Variants in PHLDB1 observed in about 807,000 individuals in gnomAD.
The protein encoded by PHLDB1 is pleckstrin homology like domain family B member 1.
Under a neutral mutation model 139.3 loss-of-function variants are expected in PHLDB1, and 65 were observed. The ratio of observed to expected loss-of-function variants is 0.47; its 90% CI spans 0.38 to 0.57. The LOEUF (loss-of-function observed/expected upper bound fraction) is 0.57, where lower values mean the gene tolerates loss of function less well. PHLDB1 is among the 20% of genes least tolerant of loss of function. The pLI, the probability that PHLDB1 is intolerant of heterozygous loss-of-function variation, is 0.00. For synonymous variants in PHLDB1, 679 were observed against 734.5 expected (o/e 0.92, Z 1.22); for missense variants, 1,624 against 1,839.7 (o/e 0.88, Z 2.14).
chr11:118,645,499 C>G lies in PHLDB1; in HGVS notation c.3265C>G (p.His1089Asp). The G allele has an allele frequency of 6.2e-7, 1 of 1,612,506 alleles. No individual in the cohort carries two copies. Among genetic ancestry groups the G allele is most frequent in the East Asian group, 2.2e-5 (1 of 44,874 alleles). Residue 1089 changes from histidine to aspartate, a missense_variant, in exon 16 of 23, where the codon CAC (histidine) becomes GAC (aspartate). By Grantham distance (81) the His-to-Asp change is moderately conservative. Transcript: ENST00000600882. The surrounding 1 kb of genome is among the most constrained non-coding windows in gnomAD (Gnocchi z 5.1). The part of the protein sequence containing the change: ...GPSGFPPLMH[H>D]SILHHLPAGR... ...CTCGGGCTTCCCCCCTCTCATGCAC[C>G]ACTCTATCCTACACCACCTGCCTGC...
chr11:118,636,747 C>T (rs569689536), intron 10 of PHLDB1: 36 of 152,338 alleles, frequency 2.4e-4, no homozygotes, highest in African/African-American at 8.7e-4. Context: ...CTGTACTGCA[C>T]TGAGGCTAGG....
intron 18 of PHLDB1, 90 bp from the exon 19 acceptor site, chr11:118,649,987 G>T (rs1591767552): frequency 1.1e-6 from 1 of 925,026 alleles, no homozygotes; most frequent in Admixed American, 1.7e-5. Context: ...ATGTCAGGCT[G>T]TTGGGGTTTA....
Position 118,648,082 on chromosome 11 carries a change from T to C in PHLDB1, c.3654+6T>C. The C allele has an allele frequency of 1.9e-6, 3 of 1,612,924 alleles. No individual in the cohort carries two copies. Among genetic ancestry groups the C allele is most frequent in the Non-Finnish European group, 2.5e-6 (3 of 1,179,378 alleles). On this transcript the variant is annotated splice_donor_region_variant and intron_variant, in intron 18 of 22. Coordinates refer to ENST00000600882, the MANE Select transcript of PHLDB1 (RefSeq NM_001144758.3). Reference sequence around the variant, plus strand: ...GGGAGAAACAATTTTCCCAGGTGAATGGGCAGTGGGGCACAGTGGTGGTTG... The same window carrying C: ...GGGAGAAACAATTTTCCCAGGTGAACGGGCAGTGGGGCACAGTGGTGGTTG...
chr11:118,638,364 A>G (rs1284595935), intron 10 of PHLDB1, among the ~76,000 whole-genome samples: 1 of 152,256 alleles, frequency 6.6e-6, no homozygotes. Flanking sequence ...TTAAAAAATT[A>G]TTCAAGTAAT....
intron 4 of PHLDB1, among the ~76,000 whole-genome samples, chr11:118,618,228 T>C (rs1266517656): frequency 6.6e-6 from 1 of 152,082 alleles, no homozygotes; most frequent in East Asian, 1.9e-4. Context: ...CATAGCCTTC[T>C]TGTCTGGGCT....
Position 118,631,278 on chromosome 11 carries a change from TG to T in PHLDB1, c.1903del (p.Glu635SerfsTer80). On this transcript the variant is annotated frameshift_variant, in exon 7 of 23. Transcript: ENST00000600882. LOFTEE classifies it high-confidence loss of function. ...GCCGGGCTGATGGGGGACCTGAGGC[TG>T]GGGAGCTTCCCAGCATTGGGGAGGC... Reference protein sequence around the residue: ...YSRADGGPEAGELPSIGEATA... With the variant: ...YSRADGGPEAXELPSIGEATA... 6.6e-7 allele frequency: 1 copy of T among 1,516,604 alleles called. No individual in the cohort carries two copies. Among genetic ancestry groups the T allele is most frequent in the Non-Finnish European group, 8.8e-7 (1 of 1,133,986 alleles). The allele number at this position is 1,516,604 out of a possible 1,614,324, so 93.9% of individuals were successfully genotyped here.
At chr11:118,606,585 G>C (rs1939311875), upstream of PHLDB1, 1 of 152,254 alleles carries the variant, frequency 6.6e-6, no homozygotes, top group South Asian at 2.1e-4. Flanking sequence ...GGTCCCTCTA[G>C]TGCAGGTCAA....
Position 118,628,567 on chromosome 11 carries a change from A to T in PHLDB1, c.1744A>T (p.Ile582Phe). The T allele has an allele frequency of 6.2e-7, 1 of 1,613,060 alleles. No individual in the cohort carries two copies. Among genetic ancestry groups the T allele is most frequent in the Non-Finnish European group, 8.5e-7 (1 of 1,179,954 alleles). Residue 582 changes from isoleucine (I) to phenylalanine (F), a missense_variant, in exon 6 of 23, where the codon ATC becomes TTC. Physicochemically the swap from Ile to Phe is conservative, Grantham distance 21. Transcript: ENST00000600882. Reference protein sequence around the residue: ...TRERKNSITEISDNEDDLLEY... With the variant: ...TRERKNSITEFSDNEDDLLEY... The stretch of plus-strand genomic sequence containing the variant: ...GGAGCGGAAAAATAGCATCACAGAG[A>T]TCAGTGACAATGAGGACGACCTCCT...
intron 13 of PHLDB1, 168 bp from the exon 14 acceptor site, chr11:118,643,632 C>A: frequency 1.0e-6 from 1 of 985,434 alleles, no homozygotes; most frequent in South Asian, 4.7e-5. Flanking sequence ...TTGGCAGCTG[C>A]CAATAGCATC....
intron 4 of PHLDB1, among the ~76,000 whole-genome samples, chr11:118,619,399 A>C (rs566068119): frequency 6.6e-6 from 1 of 152,310 alleles, no homozygotes; most frequent in Admixed American, 6.5e-5. Flanking sequence ...TCTGGGATCT[A>C]GGACATTCAG....
In PHLDB1 at chr11:118,650,447, C is replaced by A. The variant is rs2136982018; in HGVS notation, c.3774C>A (p.Val1258=). 1.9e-6 allele frequency: 3 copies of A among 1,609,826 alleles called. 1 individual carries two copies. The highest frequency in any genetic ancestry group is 8.5e-7 in the Non-Finnish European group (1 of 1,176,036). The change falls in exon 20 of 23, where the codon GTC becomes GTA. Residue 1258 remains valine, a splice_region_variant and synonymous_variant. Transcript: ENST00000600882. The surrounding 1 kb of genome is among the most constrained non-coding windows in gnomAD (Gnocchi z 4.7). The stretch of plus-strand genomic sequence containing the variant: ...TCCTTACTCCTGCTTCCTACCAGGT[C>A]TGCCGTGGCTACTTGGTCAAGATGG... ...TCLHVVLSSK[V]CRGYLVKMGG...
intron 13 of PHLDB1, chr11:118,643,549 G>A (rs998600102): frequency 1.0e-6 from 1 of 985,308 alleles, no homozygotes; most frequent in Non-Finnish European, 1.2e-6. Context: ...GCATGGGTCT[G>A]TTTACAGGTC....
chr11:118,628,103 G>A lies in PHLDB1; in HGVS notation c.1280G>A (p.Arg427Gln), dbSNP rs184032736. ...TTSPSRQLVG[R>Q]TFSDGLATRT... The stretch of plus-strand genomic sequence containing the variant: ...AGCCCCTCACGCCAACTGGTGGGCC[G>A]AACATTTTCAGATGGGTTAGCCACC... Residue 427 changes from arginine (R) to glutamine (Q), a missense_variant, in exon 6 of 23, where the codon CGA becomes CAA. Physicochemically the swap from Arg to Gln is conservative, Grantham distance 43 (BLOSUM62 1). Transcript: ENST00000600882. 25 of 1,613,946 alleles carry A rather than the reference G, an allele frequency of 1.5e-5. No individual in the cohort carries two copies. Among genetic ancestry groups the A allele is most frequent in the Admixed American group, 1.0e-4 (6 of 60,020 alleles).
At position 118,642,402 on chromosome 11, in the gene PHLDB1, C is replaced by G. The variant is rs1946715393; in HGVS notation, c.2877+8C>G. ...GCTTCCCGTCAGCTGCAGGTAACCC[C>G]TCCTTCACTGCCCGTCCTCCCCAGC... On this transcript the variant is annotated splice_region_variant and intron_variant, in intron 13 of 22. Coordinates refer to ENST00000600882, the MANE Select transcript of PHLDB1 (RefSeq NM_001144758.3). 6.2e-7 allele frequency: 1 copy of G among 1,605,630 alleles called. No individual in the cohort carries two copies. The highest frequency in any genetic ancestry group is 1.7e-5 in the Admixed American group (1 of 59,994).
Position 118,643,933 on chromosome 11 carries a change from C to G in PHLDB1, c.3011C>G (p.Ser1004Cys). Residue 1004 changes from serine to cysteine, a missense_variant, in exon 14 of 23, where the codon TCC becomes TGC. By Grantham distance (112) the Ser-to-Cys change is moderately radical. Transcript: ENST00000600882. ...GTGGCTACCCTGGGGCGTAGCCCCT[C>G]CCCAAAGGTCTGAGGACAGTGGGTG... ...LSVATLGRSPSPKSALLTQNG... is the reference protein window; with the variant it reads ...LSVATLGRSPCPKSALLTQNG... 1 of 1,598,172 alleles carries G rather than the reference C, an allele frequency of 6.3e-7. No individual in the cohort carries two copies. The highest frequency in any genetic ancestry group is 8.5e-7 in the Non-Finnish European group (1 of 1,172,564).
Position 118,632,438 on chromosome 11 carries a change from G to GGAGGAGAAGTCACTC in PHLDB1, c.2379+142_2379+143insGAGGAGAAGTCACTC. 1 of 863,354 alleles carries GGAGGAGAAGTCACTC rather than the reference G, an allele frequency of 1.2e-6. No homozygotes were observed. The highest frequency in any genetic ancestry group is 1.8e-6 in the Non-Finnish European group (1 of 549,728). The allele number at this position is 863,354 out of a possible 1,614,324, so 53.5% of individuals were successfully genotyped here. A position where few individuals can be genotyped will look rare whatever the true frequency, so the allele number is the denominator to read the frequency against. On this transcript the variant is annotated intron_variant, in intron 9 of 22. Coordinates refer to ENST00000600882, the MANE Select transcript of PHLDB1 (RefSeq NM_001144758.3). This position sits in a 1 kb window ranked among gnomAD's most constrained non-coding sequence, Gnocchi z 5.9. The stretch of plus-strand genomic sequence containing the variant: ...GTCTCTGTGGCTTTCCAGAGACAGA[G>GGAGGAGAAGTCACTC]TGACTTCTCCTCCTCTGTGGAAGGA...
At position 118,627,560 on chromosome 11, in the gene PHLDB1, C is replaced by T. The variant is rs782051704; in HGVS notation, c.737C>T (p.Ser246Phe). The T allele has an allele frequency of 8.1e-6, 13 of 1,613,962 alleles. No homozygotes were observed. Among genetic ancestry groups the T allele is most frequent in the Non-Finnish European group, 1.1e-5 (13 of 1,179,974 alleles). Residue 246 changes from serine (S) to phenylalanine (F), a missense_variant, in exon 6 of 23, where the codon TCC (serine) becomes TTC (phenylalanine). Ser to Phe is a radical substitution (Grantham distance 155). Coordinates refer to ENST00000600882, the MANE Select transcript of PHLDB1 (RefSeq NM_001144758.3). ...PTSPGAMSVG[S>F]SYENTSPAFS... The stretch of plus-strand genomic sequence containing the variant: ...AGCCCCGGCGCCATGTCTGTGGGCT[C>T]CAGCTATGAGAACACCTCTCCAGCC...
intron 4 of PHLDB1, among the ~76,000 whole-genome samples, chr11:118,619,816 T>G (rs1286187843): frequency 6.6e-6 from 1 of 152,228 alleles, no homozygotes; most frequent in East Asian, 1.9e-4. Flanking sequence ...GTGGGCTGTT[T>G]AGCAAGAATG....
chr11:118,632,375 G>A lies in PHLDB1; in HGVS notation c.2379+79G>A, dbSNP rs897950012. On this transcript the variant is annotated intron_variant, in intron 9 of 22. Coordinates refer to ENST00000600882, the MANE Select transcript of PHLDB1 (RefSeq NM_001144758.3). The surrounding 1 kb of genome is among the most constrained non-coding windows in gnomAD (Gnocchi z 5.9). ...GGAGAAATGTCTTCTCTGGGGCCCT[G>A]TACCCTTCACCTCATCATCCATTCT... is the stretch of plus-strand genomic sequence containing the variant. The A allele has an allele frequency of 1.9e-5, 27 of 1,420,936 alleles. No homozygotes were observed. Among genetic ancestry groups the A allele is most frequent in the Non-Finnish European group, 2.7e-5 (27 of 1,017,172 alleles). The allele number at this position is 1,420,936 out of a possible 1,614,324, so 88.0% of individuals were successfully genotyped here.
Sources: gnomAD v4.1 joint callset for allele counts (sites outside exome capture counted in the v4.1 genomes callset) on GRCh38, gnomAD v4.1.1 for gene constraint, Gnocchi (gnomAD v3.1) non-coding constraint, MANE v1.5 for transcripts, NCBI Gene and HGNC (gene_info 2026-07-23, HGNC 2026-07-21) for gene names.